MYLK: variants seen among roughly 807,000 people sequenced by gnomAD.
The protein encoded by MYLK is myosin light chain kinase.
MYLK carries 106 observed loss-of-function variants against 203.4 expected under a neutral mutation model. The observed-to-expected ratio is 0.52, with a 90% CI of 0.45 to 0.61. The LOEUF (loss-of-function observed/expected upper bound fraction) is 0.61, where lower values mean the gene tolerates loss of function less well. Ranked by LOEUF, MYLK falls within the 20% of genes least tolerant of loss-of-function variation. The pLI is 0.00. For synonymous variants in MYLK, 867 were observed against 959.5 expected, an observed-to-expected ratio of 0.90 and a Z score of 1.78; for missense variants, 2,072 against 2,442.3, an observed-to-expected ratio of 0.85 and a Z score of 3.20.
At chr3:123,623,067 A>G (rs2057957057) in intron 31 of MYLK, 1 of 152,164 alleles carries the variant, frequency 6.6e-6, no homozygotes, top group Admixed American at 6.5e-5. Context: ...GGAGTTTCCC[A>G]GGATTAGGGT....
intron 23 of MYLK, among the ~76,000 whole-genome samples, chr3:123,662,357 C>T (rs1440626972): frequency 6.6e-6 from 1 of 152,114 alleles, no homozygotes; most frequent in African/African-American, 2.4e-5. Flanking sequence ...TCAGTCCTGT[C>T]CATCCTAGTC....
At chr3:123,689,494 C>G (rs2060580607) in intron 19 of MYLK, 1 of 152,160 alleles carries the variant, frequency 6.6e-6, no homozygotes, top group Non-Finnish European at 1.5e-5. Context: ...CCACTGAGTC[C>G]TGCCAGGATA....
intron 3 of MYLK, among the ~76,000 whole-genome samples, chr3:123,818,709 C>T (rs989518175): frequency 6.6e-6 from 1 of 152,048 alleles, no homozygotes; most frequent in Non-Finnish European, 1.5e-5. Context: ...AACAAAAACC[C>T]ACAACTCGCA....
At position 123,626,901 on chromosome 3, in the gene MYLK, G is replaced by A. The variant is rs1057523680; in HGVS notation, c.5155C>T (p.Leu1719=). ...DCTQCLQHPW[L]MKDTKNMEAK... is the part of the protein sequence containing the mutation. ...TCCATGTTCTTGGTATCTTTCATTA[G>A]CCATGGATGCTGAAGGCACTGCGTG... Residue 1719 remains leucine, a synonymous_variant, in exon 31 of 34, where the codon CTA becomes TTA. Coordinates refer to ENST00000360304, the MANE Select transcript of MYLK (RefSeq NM_053025.4). 9.3e-6 allele frequency: 15 copies of A among 1,614,050 alleles called. No individual in the cohort carries two copies. Among genetic ancestry groups the A allele is most frequent in the Admixed American group, 3.3e-5 (2 of 59,986 alleles).
At chr3:123,755,040 C>G (rs556400280) in intron 4 of MYLK, among the ~76,000 whole-genome samples, 1 of 152,282 alleles carries the variant, frequency 6.6e-6, no homozygotes, top group South Asian at 2.1e-4. Flanking sequence ...TCGTGTGAAA[C>G]CCTTTCCTAC....
In MYLK at chr3:123,809,622, G is replaced by A. The variant is rs545932158; in HGVS notation, c.-3-15778C>T. ...CTCTGTGAGCTCCAGCACCTGCAGA[G>A]CCACTCGCACACTCTGCTCTGCAGA... On this transcript the variant is annotated intron_variant, in intron 3 of 33. Transcript: ENST00000360304. Among the ~76,000 whole-genome samples the A allele has an allele frequency of 4.6e-5, 7 of 152,302 alleles. No homozygotes were observed. In the South Asian group the frequency reaches 1.2e-3, roughly 27 times the overall value.
At chr3:123,695,541 GAT>G (rs2060884919) in intron 18 of MYLK, among the ~76,000 whole-genome samples, 2 of 152,190 alleles carry the variant, frequency 1.3e-5, no homozygotes, top group Non-Finnish European at 2.9e-5. Flanking sequence ...TATTGAAAAA[GAT>G]AATATATAGT....
At chr3:123,853,701 T>C (rs2148671974) in intron 2 of MYLK, among the ~76,000 whole-genome samples, 1 of 152,228 alleles carries the variant, frequency 6.6e-6, no homozygotes, top group Admixed American at 6.5e-5. Context: ...CTGAATGTGA[T>C]AAAATCATGA....
chr3:123,744,629 G>C (rs1171632877), intron 5 of MYLK, among the ~76,000 whole-genome samples: 2 of 152,086 alleles, frequency 1.3e-5, no homozygotes, highest in Non-Finnish European at 2.9e-5. Context: ...ATTTATCACA[G>C]GACTTCAAGG....
chr3:123,670,034 C>CAAAAAA (rs57445681), intron 20 of MYLK, among the ~76,000 whole-genome samples: 23 of 36,934 alleles, frequency 6.2e-4, no homozygotes, highest in East Asian at 2.3e-3. Context: ...GACTCCATCT[C>CAAAAAA]AAAAAAAAAA....
intron 4 of MYLK, among the ~76,000 whole-genome samples, chr3:123,782,089 C>T (rs935441748): frequency 3.9e-5 from 6 of 152,216 alleles, no homozygotes; most frequent in Middle Eastern, 3.4e-3. Flanking sequence ...TCATCTGAAT[C>T]GTGATTTTAT....
intron 20 of MYLK, among the ~76,000 whole-genome samples, chr3:123,678,007 T>A (rs964908288): frequency 2.7e-5 from 4 of 149,422 alleles, no homozygotes; most frequent in African/African-American, 9.8e-5. Context: ...GCACCACAGT[T>A]CCACATCTTA....
intron 3 of MYLK, among the ~76,000 whole-genome samples, chr3:123,818,411 G>A (rs370429304): frequency 6.6e-6 from 1 of 152,082 alleles, no homozygotes; most frequent in Non-Finnish European, 1.5e-5. Flanking sequence ...AATGAAGAAA[G>A]AACACAACCA....
At chr3:123,829,875 T>C (rs1385129895) in intron 3 of MYLK, among the ~76,000 whole-genome samples, 4 of 152,226 alleles carry the variant, frequency 2.6e-5, no homozygotes, top group African/African-American at 9.7e-5. Flanking sequence ...ACTGACCAGA[T>C]GTATCTCAAG....
At chr3:123,852,177 G>A (rs2030881885) in intron 2 of MYLK, among the ~76,000 whole-genome samples, 1 of 152,188 alleles carries the variant, frequency 6.6e-6, no homozygotes, top group Non-Finnish European at 1.5e-5. Flanking sequence ...TTACATCAAT[G>A]TTCATCAAGG....
chr3:123,692,540 G>C (rs972155382), intron 19 of MYLK, 195 bp downstream of exon 19: 16 of 767,470 alleles, frequency 2.1e-5, no homozygotes, highest in Non-Finnish European at 2.8e-5. Context: ...AGGTGATCAA[G>C]TAGAGCTGCC....
chr3:123,664,327 C>T, intron 22 of MYLK, 69 bp from the exon 23 acceptor site: 1 of 1,601,394 alleles, frequency 6.2e-7, no homozygotes, highest in Non-Finnish European at 8.6e-7. Context: ...GGGGGCTCCT[C>T]CCCATTCCCT....
intron 2 of MYLK, among the ~76,000 whole-genome samples, chr3:123,871,695 T>C (rs1176999094): frequency 6.6e-6 from 1 of 151,628 alleles, no homozygotes; most frequent in Admixed American, 6.6e-5. Flanking sequence ...GCAAAACAAC[T>C]TCAGGCTCAG....
intron 4 of MYLK, among the ~76,000 whole-genome samples, chr3:123,786,564 A>T (rs2064537777): frequency 6.6e-6 from 1 of 151,658 alleles, no homozygotes; most frequent in Non-Finnish European, 1.5e-5. Flanking sequence ...GGTACAAAAA[A>T]AAAAGAAAAA....
Sources: allele counts gnomAD v4.1 joint callset (sites outside exome capture counted in the v4.1 genomes callset), GRCh38; gene constraint gnomAD v4.1.1; transcripts MANE v1.5; gene names NCBI Gene and HGNC (gene_info 2026-07-23, HGNC 2026-07-21).